The following FLNC variants were observed in gnomAD, a reference collection of about 807,000 sequenced individuals.
FLNC encodes the protein filamin C.
A neutral mutation model predicts 254.3 loss-of-function variants in FLNC; 91 were observed. That is an observed-to-expected ratio of 0.36 (90% confidence interval 0.30 to 0.43). The LOEUF is 0.43. Ranked by LOEUF, FLNC falls within the 20% of genes least tolerant of loss-of-function variation. FLNC has a pLI of 1.00. For synonymous variants in FLNC, 1,430 were observed against 1,577.2 expected, an observed-to-expected ratio of 0.91 and a Z score of 2.21; for missense variants, 2,853 against 3,802.6, an observed-to-expected ratio of 0.75 and a Z score of 6.57.
At chr7:128,838,207 C>G (rs889317022) in intron 6 of FLNC, 60 bp from the exon 7 acceptor site, 17 of 1,572,588 alleles carry the variant, frequency 1.1e-5, no homozygotes, top group Non-Finnish European at 1.4e-5. Context: ...GGCTGTGCCC[C>G]TCTGCCCCCT....
intron 1 of FLNC, among the ~76,000 whole-genome samples, chr7:128,834,558 C>A (rs185076710): frequency 1.1e-3 from 154 of 142,282 alleles, no homozygotes; most frequent in African/African-American, 3.9e-3. Flanking sequence ...GAAACTTGTC[C>A]TACCCCACTC....
chr7:128,842,218 G>GT lies in FLNC; in HGVS notation c.2122-12dup. ...GGCCACAGCTATGAACTTTGCTTGGGTGATGCCCACAGGACGCCGACGGCT... is the reference window on the plus strand; with the variant it reads ...GGCCACAGCTATGAACTTTGCTTGGGTTGATGCCCACAGGACGCCGACGGCT... On this transcript the variant is annotated splice_polypyrimidine_tract_variant and intron_variant, in intron 13 of 47. Transcript: ENST00000325888. The surrounding 1 kb of genome is among the most constrained non-coding windows in gnomAD (Gnocchi z 5.4). 2 of 1,613,408 alleles carry GT rather than the reference G, an allele frequency of 1.2e-6. No homozygotes were observed. The highest frequency in any genetic ancestry group is 1.7e-6 in the Non-Finnish European group (2 of 1,179,868).
At position 128,853,855 on chromosome 7, in the gene FLNC, C is replaced by G. The variant is rs1420298434; in HGVS notation, c.6484+18C>G. 2 of 1,613,334 alleles carry G rather than the reference C, an allele frequency of 1.2e-6. No homozygotes were observed. The highest frequency in any genetic ancestry group is 4.5e-5 in the East Asian group (2 of 44,872). ...GATCCCAGGTAGAAGCCTGGAGGAC[C>G]CTGGGTGGGGCGGGTGGTGGGAGAG... On this transcript the variant is annotated intron_variant, in intron 39 of 47. Coordinates refer to ENST00000325888, the MANE Select transcript of FLNC (RefSeq NM_001458.5).
At chr7:128,832,582 C>G (rs370854218) in intron 1 of FLNC, among the ~76,000 whole-genome samples, 1 of 152,248 alleles carries the variant, frequency 6.6e-6, no homozygotes, top group South Asian at 2.1e-4. Context: ...GCACACCTCT[C>G]CCCTCCCCCG....
rs1000811667 is a variant in FLNC, at chr7:128,835,920, A to AT, written c.601+352dup. On this transcript the variant is annotated intron_variant, in intron 2 of 47. Coordinates refer to ENST00000325888, the MANE Select transcript of FLNC (RefSeq NM_001458.5). This position sits in a 1 kb window ranked among gnomAD's most constrained non-coding sequence, Gnocchi z 5.3. ...AGGGCCTGGACTCCCTGCCCCATGAATTTTTTACTGTGCCACGAGGCACTA... is the reference window on the plus strand; with the variant it reads ...AGGGCCTGGACTCCCTGCCCCATGAATTTTTTTACTGTGCCACGAGGCACTA... 2.6e-5 allele frequency among the ~76,000 whole-genome samples: 4 copies of AT among 152,062 alleles called. No individual in the cohort carries two copies. The highest frequency in any genetic ancestry group is 9.6e-5 in the African/African-American group (4 of 41,460).
In FLNC at chr7:128,838,440, C is replaced by G; in HGVS notation, c.1210+11C>G. The stretch of plus-strand genomic sequence containing the variant: ...ACATCTACACTGCGGGTAGGACGGG[C>G]CCCAGGGGGTGCAGGTGGAAAGCCC... On this transcript the variant is annotated intron_variant, in intron 7 of 47. Coordinates refer to ENST00000325888, the MANE Select transcript of FLNC (RefSeq NM_001458.5). The G allele has an allele frequency of 6.2e-7, 1 of 1,613,620 alleles. No homozygotes were observed. The highest frequency in any genetic ancestry group is 1.1e-5 in the South Asian group (1 of 91,072).
chr7:128,854,322 G>A (rs1808959732), intron 40 of FLNC, 91 bp from the exon 41 acceptor site: 17 of 1,599,644 alleles, frequency 1.1e-5, no homozygotes, highest in Non-Finnish European at 1.4e-5. Context: ...GGGCAGGTCT[G>A]AGCAGAGGAG....
At chr7:128,831,567 C>A (rs1251311891) in intron 1 of FLNC, among the ~76,000 whole-genome samples, 1 of 152,186 alleles carries the variant, frequency 6.6e-6, no homozygotes, top group Non-Finnish European at 1.5e-5. Context: ...ACAGGCAGGG[C>A]CCAGCCTCAG....
chr7:128,837,431 G>A lies in FLNC; in HGVS notation c.733G>A (p.Val245Met). The change falls in exon 4 of 48, where the codon GTG becomes ATG. Residue 245 changes from valine (V) to methionine (M), a missense_variant. Physicochemically the swap from Val to Met is conservative, Grantham distance 21. This residue lies in a region of FLNC where 115 missense variants were observed against 230.3 expected (regional missense o/e 0.50). Transcript: ENST00000325888. ...CCCTGAGGAGATTGTGGACCCCAAC[G>A]TGGATGAGCATTCTGTTATGACCTA... ...IAPEEIVDPN[V>M]DEHSVMTYLS... 6.2e-7 allele frequency: 1 copy of A among 1,614,156 alleles called. No individual in the cohort carries two copies. The highest frequency in any genetic ancestry group is 8.5e-7 in the Non-Finnish European group (1 of 1,180,018).
In FLNC at chr7:128,847,739, G is replaced by C. The variant is rs367560131; in HGVS notation, c.4331G>C (p.Gly1444Ala). The change falls in exon 25 of 48, where the codon GGG becomes GCG. Residue 1444 changes from glycine (G) to alanine (A), a missense_variant. Gly to Ala is a moderately conservative substitution (Grantham distance 60, BLOSUM62 0). Coordinates refer to ENST00000325888, the MANE Select transcript of FLNC (RefSeq NM_001458.5). Reference protein sequence around the residue: ...RVPVKDVVDPGKVKCSGPGLG... With the variant: ...RVPVKDVVDPAKVKCSGPGLG... ...CCAGTGAAGGATGTGGTGGACCCTGGGAAGGTGAAGTGCTCAGGGCCAGGG... is the reference window on the plus strand; with the variant it reads ...CCAGTGAAGGATGTGGTGGACCCTGCGAAGGTGAAGTGCTCAGGGCCAGGG... The C allele has an allele frequency of 2.0e-5, 33 of 1,614,044 alleles. No individual in the cohort carries two copies. The highest frequency in any genetic ancestry group is 2.7e-5 in the Non-Finnish European group (32 of 1,180,014).
Position 128,838,612 on chromosome 7 carries a change from C to T in FLNC, c.1220C>T (p.Thr407Ile). Reference sequence around the variant, plus strand: ...CCTCTGTTTTCGGCAGGGGCCGGCACTGGCGATGTTGCTGTGGTGATCGTG... The same window carrying T: ...CCTCTGTTTTCGGCAGGGGCCGGCATTGGCGATGTTGCTGTGGTGATCGTG... ...YFDIYTAGAG[T>I]GDVAVVIVDP... The change falls in exon 8 of 48, where the codon ACT becomes ATT. Residue 407 changes from threonine to isoleucine, a missense_variant. Thr to Ile is a moderately conservative substitution (Grantham distance 89). Coordinates refer to ENST00000325888, the MANE Select transcript of FLNC (RefSeq NM_001458.5). The T allele has an allele frequency of 6.2e-7, 1 of 1,613,012 alleles. No individual in the cohort carries two copies. The highest frequency in any genetic ancestry group is 8.5e-7 in the Non-Finnish European group (1 of 1,179,996).
At chr7:128,839,232 G>C (rs1808229723) in intron 8 of FLNC, among the ~76,000 whole-genome samples, 1 of 152,234 alleles carries the variant, frequency 6.6e-6, no homozygotes, top group Admixed American at 6.5e-5. Context: ...CCCGGGCCGT[G>C]TGGAATCGCC....
rs772633349 is a variant in FLNC, at chr7:128,831,012, C to G, written c.352+23C>G. ...TAGGTCAGTGCCGGGGGCGAGGGCA[C>G]GGGCGCTGCGGGGATAGGGTCGTCC... On this transcript the variant is annotated intron_variant, in intron 1 of 47. Transcript: ENST00000325888. 10 of 1,596,900 alleles carry G rather than the reference C, an allele frequency of 6.3e-6. 1 individual carries two copies. The Admixed American group carries it at 1.5e-4, about 24-fold the overall frequency.
chr7:128,848,150 A>C (rs1483988834), intron 26 of FLNC, 82 bp downstream of exon 26: 1 of 1,503,504 alleles, frequency 6.7e-7, no homozygotes, highest in Non-Finnish European at 9.0e-7. Context: ...TCACTGCTGG[A>C]GTCCCCTGGG....
rs1228029396 is a variant in FLNC, at chr7:128,856,221, G to A, written c.7252-297G>A. Among the ~76,000 whole-genome samples, 7 of 152,132 alleles carry A rather than the reference G, an allele frequency of 4.6e-5. No homozygotes were observed. Among genetic ancestry groups the A allele is most frequent in the Middle Eastern group, 3.4e-3 (1 of 294 alleles). ...ACAGCCCATCAGGCACTTGCCCTCC[G>A]CCCTCAGCCTGCTTCACACAGAGTG... On this transcript the variant is annotated intron_variant, in intron 43 of 47. Transcript: ENST00000325888. The surrounding 1 kb of genome is among the most constrained non-coding windows in gnomAD (Gnocchi z 5.9).
At chr7:128,853,426 C>A in intron 37 of FLNC, 43 bp from the exon 38 acceptor site, 1 of 1,607,562 alleles carries the variant, frequency 6.2e-7, no homozygotes, top group Non-Finnish European at 8.5e-7. Context: ...TGTGGCTTGG[C>A]CAGCCTAGGA....
chr7:128,845,319 G>A, intron 21 of FLNC, 64 bp downstream of exon 21: 1 of 1,363,720 alleles, frequency 7.3e-7, no homozygotes, highest in Non-Finnish European at 1.0e-6. Context: ...TAGTCCGTGG[G>A]AGGGAGGGAA....
Position 128,855,186 on chromosome 7 carries a change from T to G in FLNC, c.7136-13T>G, listed in dbSNP as rs1422146875. 1 of 1,573,128 alleles carries G rather than the reference T, an allele frequency of 6.4e-7. No individual in the cohort carries two copies. The highest frequency in any genetic ancestry group is 8.7e-7 in the Non-Finnish European group (1 of 1,142,954). On this transcript the variant is annotated splice_polypyrimidine_tract_variant and intron_variant, in intron 42 of 47. Coordinates refer to ENST00000325888, the MANE Select transcript of FLNC (RefSeq NM_001458.5). ...CCATCCCGGAACCTGTGCTGACTGG[T>G]CTCTCTCCCCAGGTGACTATGAGGT...
chr7:128,830,769 C>T lies in FLNC; in HGVS notation c.132C>T (p.Arg44=). The T allele has an allele frequency of 6.2e-7, 1 of 1,613,210 alleles. No individual in the cohort carries two copies. The highest frequency in any genetic ancestry group is 8.5e-7 in the Non-Finnish European group (1 of 1,179,954). ...AGATCCAGCAGAACACATTCACGCG[C>T]TGGTGCAATGAGCACCTCAAGTGCG... ...WKKIQQNTFT[R]WCNEHLKCVG... The change falls in exon 1 of 48, where the codon CGC becomes CGT. Residue 44 remains arginine (R), a synonymous_variant. Transcript: ENST00000325888.
Sources: allele counts gnomAD v4.1 joint callset (sites outside exome capture counted in the v4.1 genomes callset), GRCh38; gene constraint gnomAD v4.1.1; regional missense constraint gnomAD v4.1.1; non-coding constraint Gnocchi (gnomAD v3.1); transcripts MANE v1.5; gene names NCBI Gene and HGNC (gene_info 2026-07-23, HGNC 2026-07-21).